The following MIPOL1 variants were observed in gnomAD, a reference collection of about 807,000 sequenced individuals.
MIPOL1 encodes mirror-image polydactyly 1.
In MIPOL1, 57 loss-of-function variants were observed where a neutral mutation model predicts 60.9. That is an observed-to-expected ratio of 0.94 (90% CI 0.76 to 1.17). The LOEUF (loss-of-function observed/expected upper bound fraction) is 1.17. Among genes scored for constraint, MIPOL1 ranks in the 50% most tolerant of loss-of-function variants. The probability of loss-of-function intolerance (pLI) is 0.00; values close to 1 mark genes in which losing one functional copy is unlikely to be tolerated. For missense variants in MIPOL1, 551 were observed against 511.6 expected, an observed-to-expected ratio of 1.08 and a Z score of -0.74; for synonymous variants, 179 against 168.8, an observed-to-expected ratio of 1.06 and a Z score of -0.47.
chr14:37,295,961 A>C (rs2153422844), intron 7 of MIPOL1, among the ~76,000 whole-genome samples: 1 of 152,316 alleles, frequency 6.6e-6, no homozygotes, highest in African/African-American at 2.4e-5. Context: ...GACCTAATAG[A>C]CATCTACAGA....
intron 11 of MIPOL1, among the ~76,000 whole-genome samples, chr14:37,473,732 A>G (rs1217971078): frequency 2.6e-5 from 4 of 152,218 alleles, no homozygotes; most frequent in Non-Finnish European, 5.9e-5. Context: ...ATACTGATGT[A>G]TTATCATTAG....
intron 9 of MIPOL1, among the ~76,000 whole-genome samples, chr14:37,336,320 G>A (rs532680636): frequency 4.7e-5 from 7 of 150,326 alleles, no homozygotes; most frequent in Non-Finnish European, 5.9e-5. Flanking sequence ...CTATAGCTTC[G>A]TAATTTTGAA....
intron 7 of MIPOL1, among the ~76,000 whole-genome samples, chr14:37,294,972 C>T (rs1217933774): frequency 6.6e-6 from 1 of 152,088 alleles, no homozygotes; most frequent in Non-Finnish European, 1.5e-5. Context: ...AGATACTCCT[C>T]AAGAAGAGCA....
chr14:37,220,466 T>C (rs914537803), intron 1 of MIPOL1, among the ~76,000 whole-genome samples: 1 of 152,250 alleles, frequency 6.6e-6, no homozygotes, highest in African/African-American at 2.4e-5. Context: ...CCTTAATTTA[T>C]GTCAAACAGC....
At chr14:37,447,909 A>G (rs1186021062) in intron 11 of MIPOL1, among the ~76,000 whole-genome samples, 2 of 152,100 alleles carry the variant, frequency 1.3e-5, no homozygotes, top group Non-Finnish European at 2.9e-5. Context: ...GCAGTTATGA[A>G]TGTTGGTAGG....
chr14:37,360,475 G>A (rs891166021), intron 9 of MIPOL1, among the ~76,000 whole-genome samples: 10 of 152,178 alleles, frequency 6.6e-5, no homozygotes, highest in African/African-American at 1.4e-4. Flanking sequence ...TAGGCTATTA[G>A]TTATTGCCTC....
chr14:37,256,841 G>T (rs1446185695), intron 3 of MIPOL1, among the ~76,000 whole-genome samples: 1 of 151,634 alleles, frequency 6.6e-6, no homozygotes, highest in African/African-American at 2.4e-5. Context: ...AAAAGTCTCT[G>T]CCCCTCCCCC....
chr14:37,354,842 G>A (rs1462115975), intron 9 of MIPOL1, among the ~76,000 whole-genome samples: 2 of 98,884 alleles, frequency 2.0e-5, no homozygotes, highest in African/African-American at 3.9e-5. Context: ...GCACACTGAT[G>A]GGTCTTGACT....
chr14:37,230,020 AAT>A (rs1309894070), intron 1 of MIPOL1, among the ~76,000 whole-genome samples: 1 of 152,180 alleles, frequency 6.6e-6, no homozygotes, highest in Non-Finnish European at 1.5e-5. Context: ...GACTACAGTT[AAT>A]AACAATGTAT....
At chr14:37,521,714 T>C (rs190865116) in intron 12 of MIPOL1, among the ~76,000 whole-genome samples, 2 of 152,032 alleles carry the variant, frequency 1.3e-5, no homozygotes, top group Non-Finnish European at 2.9e-5. Context: ...TACTCCACTT[T>C]GCTCATTTGT....
chr14:37,311,144 C>T (rs1257097059), intron 9 of MIPOL1, among the ~76,000 whole-genome samples: 3 of 152,150 alleles, frequency 2.0e-5, no homozygotes, highest in African/African-American at 7.2e-5. Flanking sequence ...AACTCCTCTT[C>T]AGAATCTTAG....
chr14:37,465,360 T>C (rs1200481328), intron 11 of MIPOL1, among the ~76,000 whole-genome samples: 2 of 152,118 alleles, frequency 1.3e-5, no homozygotes. Flanking sequence ...TAACTTAATA[T>C]GTCACTAATA....
At chr14:37,544,099 GA>G (rs2095539141) in intron 12 of MIPOL1, among the ~76,000 whole-genome samples, 1 of 152,164 alleles carries the variant, frequency 6.6e-6, no homozygotes, top group Non-Finnish European at 1.5e-5. Flanking sequence ...CTAAAACTCA[GA>G]AGAGAATTTT....
intron 10 of MIPOL1, among the ~76,000 whole-genome samples, chr14:37,381,034 T>TA (rs2092910710): frequency 6.6e-6 from 1 of 152,134 alleles, no homozygotes; most frequent in African/African-American, 2.4e-5. Context: ...AGCTAATACC[T>TA]ACTTATCCTT....
chr14:37,382,588 A>G (rs921767472), intron 10 of MIPOL1, among the ~76,000 whole-genome samples: 1 of 152,034 alleles, frequency 6.6e-6, no homozygotes, highest in African/African-American at 2.4e-5. Context: ...CAGTTCATCT[A>G]AAGAACTTTA....
At chr14:37,397,288 G>C (rs1475933215) in intron 10 of MIPOL1, among the ~76,000 whole-genome samples, 2 of 151,212 alleles carry the variant, frequency 1.3e-5, no homozygotes, top group African/African-American at 2.4e-5. Flanking sequence ...CTCTGGGCTG[G>C]TACTGGGGTT....
intron 9 of MIPOL1, among the ~76,000 whole-genome samples, chr14:37,363,245 T>C (rs1339480403): frequency 1.3e-5 from 2 of 152,216 alleles, no homozygotes; most frequent in South Asian, 2.1e-4. Flanking sequence ...CATCTTTATG[T>C]ATTTATCTAC....
chr14:37,278,350 G>T (rs1243588617), intron 6 of MIPOL1: 1 of 151,632 alleles, frequency 6.6e-6, no homozygotes, highest in African/African-American at 2.4e-5. Flanking sequence ...GAATATATAT[G>T]TGGTGGTTTT....
At chr14:37,431,983 A>G (rs1175513382) in intron 11 of MIPOL1, among the ~76,000 whole-genome samples, 1 of 152,068 alleles carries the variant, frequency 6.6e-6, no homozygotes, top group East Asian at 1.9e-4. Context: ...TAAGCGCTCA[A>G]CAAATATTTG....
Sources: gnomAD v4.1 joint callset for allele counts (sites outside exome capture counted in the v4.1 genomes callset) on GRCh38, gnomAD v4.1.1 for gene constraint, MANE v1.5 for transcripts, NCBI Gene and HGNC (gene_info 2026-07-23, HGNC 2026-07-21) for gene names.